Variants in SMCHD1 observed in about 807,000 individuals in gnomAD.
SMCHD1 encodes structural maintenance of chromosomes flexible hinge domain-containing protein 1.
A neutral mutation model predicts 254.7 loss-of-function variants in SMCHD1; 78 were observed. The ratio of observed to expected loss-of-function variants is 0.31; its 90% CI spans 0.26 to 0.37. The LOEUF (loss-of-function observed/expected upper bound fraction) is 0.37. Among genes scored for constraint, SMCHD1 ranks in the 10% least tolerant of loss-of-function variants. The pLI, the probability that SMCHD1 is intolerant of heterozygous loss-of-function variation, is 1.00. For synonymous variants in SMCHD1, 766 were observed against 794.9 expected (o/e 0.96, Z 0.61); for missense variants, 1,840 against 2,408.1 (o/e 0.76, Z 4.94).
chr18:2,727,582 CAAG>C (rs2143446620), intron 22 of SMCHD1, among the ~76,000 whole-genome samples: 1 of 152,082 alleles, frequency 6.6e-6, no homozygotes, highest in Admixed American at 6.5e-5. Context: ...TGATAAAAGT[CAAG>C]GAGTTTCAAA....
intron 27 of SMCHD1, 95 bp downstream of exon 27, chr18:2,739,615 C>A: frequency 1.1e-6 from 1 of 890,184 alleles, no homozygotes; most frequent in South Asian, 1.6e-5. Flanking sequence ...GAAAGGAAAG[C>A]TTTTGGGTTC....
intron 15 of SMCHD1, 178 bp downstream of exon 15, chr18:2,706,648 T>A: frequency 2.3e-6 from 1 of 430,518 alleles, no homozygotes; most frequent in Non-Finnish European, 4.2e-6. Context: ...ACAAACAGAA[T>A]TCTGCATTTG....
chr18:2,720,177 G>C (rs1329043066), intron 19 of SMCHD1, among the ~76,000 whole-genome samples: 1 of 151,874 alleles, frequency 6.6e-6, no homozygotes, highest in Non-Finnish European at 1.5e-5. Context: ...TTTCAGGATT[G>C]GTATATTATT....
At chr18:2,672,823 G>A (rs1303309988) in intron 3 of SMCHD1, among the ~76,000 whole-genome samples, 1 of 152,104 alleles carries the variant, frequency 6.6e-6, no homozygotes, top group Admixed American at 6.5e-5. Context: ...TAGCTTTCAA[G>A]AGACACTTAT....
At chr18:2,662,201 A>C (rs1300451515) in intron 1 of SMCHD1, among the ~76,000 whole-genome samples, 4 of 32,552 alleles carry the variant, frequency 1.2e-4, no homozygotes, top group Non-Finnish European at 5.4e-5. Flanking sequence ...ATAAATAAAT[A>C]AAGAAAGAAA....
In SMCHD1 at chr18:2,718,565, A is replaced by T. The variant is rs1025574079; in HGVS notation, c.2458+131A>T. 1.7e-5 allele frequency: 14 copies of T among 800,116 alleles called. No homozygotes were observed. The highest frequency in any genetic ancestry group is 2.6e-5 in the Non-Finnish European group (14 of 546,400). The allele number at this position is 800,116 out of a possible 1,614,324, so 49.6% of individuals were successfully genotyped here. ...CATCTCGATTTTATTTTATTTTCTT[A>T]CTTACTTTGAGATGGGGTCTCATTC... On this transcript the variant is annotated intron_variant, in intron 19 of 47. Coordinates refer to ENST00000320876, the MANE Select transcript of SMCHD1 (RefSeq NM_015295.3). The surrounding 1 kb of genome is among the most constrained non-coding windows in gnomAD (Gnocchi z 4.6).
chr18:2,726,263 A>T (rs1174410915), intron 21 of SMCHD1, among the ~76,000 whole-genome samples, 189 bp from the exon 22 acceptor site: 1 of 151,948 alleles, frequency 6.6e-6, no homozygotes, highest in Non-Finnish European at 1.5e-5. Context: ...ATAAGGAAGC[A>T]GTATTGATCA....
chr18:2,674,060 A>G lies in SMCHD1; in HGVS notation c.553A>G (p.Asn185Asp). Reference protein sequence around the residue: ...QGKPAVAVIDNGRGMTSKQLN... With the variant: ...QGKPAVAVIDDGRGMTSKQLN... ...AAAACCTGCTGTTGCAGTGATAGAT[A>G]ATGGAAGAGGAATGACCTCTAAACA... Residue 185 changes from asparagine (N) to aspartate (D), a missense_variant, in exon 5 of 48, where the codon AAT (asparagine) becomes GAT (aspartate). Transcript: ENST00000320876. The G allele has an allele frequency of 6.2e-7, 1 of 1,600,350 alleles. No homozygotes were observed. Among genetic ancestry groups the G allele is most frequent in the Non-Finnish European group, 8.5e-7 (1 of 1,172,606 alleles).
chr18:2,698,740 GT>G (rs199711809), intron 10 of SMCHD1, among the ~76,000 whole-genome samples: 1,839 of 151,888 alleles, frequency 0.012, 10 homozygotes, highest in Non-Finnish European at 0.02. Flanking sequence ...TTCATATTCA[GT>G]TTCTTAGCAC....
Position 2,804,869 on chromosome 18 carries a change from C to T in SMCHD1, c.*2317C>T, listed in dbSNP as rs1271257164. On this transcript the variant is annotated 3_prime_UTR_variant, in exon 48 of 48. Coordinates refer to ENST00000320876, the MANE Select transcript of SMCHD1 (RefSeq NM_015295.3). ...AAAATTAATGCTACAGCCATTTATC[C>T]TGTGTTATGTGTTATATAATCTGAA... is the stretch of plus-strand genomic sequence containing the variant. 2.0e-5 allele frequency: 3 copies of T among 152,100 alleles called. No homozygotes were observed. Among genetic ancestry groups the T allele is most frequent in the Non-Finnish European group, 2.9e-5 (2 of 68,020 alleles). The allele number at this position is 152,100 out of a possible 1,614,324, so 9.4% of individuals were successfully genotyped here.
chr18:2,733,834 G>C (rs1401085859), intron 25 of SMCHD1, among the ~76,000 whole-genome samples: 1 of 152,140 alleles, frequency 6.6e-6, no homozygotes, highest in Non-Finnish European at 1.5e-5. Flanking sequence ...CCCAAGTGTG[G>C]AAAAATAATT....
intron 25 of SMCHD1, among the ~76,000 whole-genome samples, chr18:2,734,651 C>CTT (rs33995854): frequency 0.63 from 91,573 of 145,896 alleles, 28,796 homozygotes; most frequent in Non-Finnish European, 0.67. Flanking sequence ...GCTTATTTTC[C>CTT]TTTTTTTTTT....
intron 44 of SMCHD1, among the ~76,000 whole-genome samples, chr18:2,780,559 C>A (rs2076141913): frequency 1.3e-5 from 2 of 150,374 alleles, no homozygotes; most frequent in Non-Finnish European, 2.9e-5. Context: ...AAGGATTGAA[C>A]TAACTAATAG....
rs1568198402 is a variant in SMCHD1 at position 2,708,888 on chromosome 18, AT to A, written c.2260+969del. Among the ~76,000 whole-genome samples, 551 of 74,018 alleles carry A rather than the reference AT, an allele frequency of 7.4e-3. 69 individuals are homozygous for A. Among genetic ancestry groups the A allele is most frequent in the East Asian group, 0.021 (36 of 1,702 alleles). 48.6% of individuals were successfully genotyped at this position (74,018 alleles called of 152,430 possible). Reference sequence around the variant, plus strand: ...ACTTCATATATATATATATATATATATATATATATATATATATATAACATAT... The same window carrying A: ...ACTTCATATATATATATATATATATAATATATATATATATATATAACATAT... On this transcript the variant is annotated intron_variant, in intron 17 of 47. Coordinates refer to ENST00000320876, the MANE Select transcript of SMCHD1 (RefSeq NM_015295.3).
chr18:2,763,571 C>A, intron 36 of SMCHD1, 66 bp from the exon 37 acceptor site: 1 of 1,262,494 alleles, frequency 7.9e-7, no homozygotes, highest in Non-Finnish European at 1.1e-6. Context: ...CTGATTTGTA[C>A]ATGCTCTTCT....
chr18:2,659,647 A>G (rs1322429385), intron 1 of SMCHD1, among the ~76,000 whole-genome samples: 1 of 151,440 alleles, frequency 6.6e-6, no homozygotes, highest in Non-Finnish European at 1.5e-5. Flanking sequence ...ATTTGAAGAA[A>G]TTGTCTACAT....
chr18:2,660,436 TTAAA>T (rs2073213260), intron 1 of SMCHD1, among the ~76,000 whole-genome samples: 1 of 151,202 alleles, frequency 6.6e-6, no homozygotes, highest in Non-Finnish European at 1.5e-5. Flanking sequence ...TGTGTCTTAA[TTAAA>T]TAATAATAAA....
intron 40 of SMCHD1, 48 bp from the exon 41 acceptor site, chr18:2,772,202 G>A: frequency 1.4e-6 from 2 of 1,459,080 alleles, no homozygotes; most frequent in African/African-American, 1.5e-5. Context: ...GGGCTGCCTG[G>A]TTCAAGAGTA....
At chr18:2,770,154 A>C (rs759638350) in intron 39 of SMCHD1, 46 bp downstream of exon 39, 4 of 1,576,658 alleles carry the variant, frequency 2.5e-6, no homozygotes, top group South Asian at 2.4e-5. Flanking sequence ...TTGGGGAATG[A>C]TGAGGCAGGT....
Sources: allele counts gnomAD v4.1 joint callset (sites outside exome capture counted in the v4.1 genomes callset), GRCh38; gene constraint gnomAD v4.1.1; non-coding constraint Gnocchi (gnomAD v3.1); transcripts MANE v1.5; gene names NCBI Gene and HGNC (gene_info 2026-07-23, HGNC 2026-07-21).